The following PEAK1 variants were observed in gnomAD, a reference collection of about 807,000 sequenced individuals.
PEAK1 encodes the protein inactive tyrosine-protein kinase PEAK1.
Under a neutral mutation model 124.7 loss-of-function variants are expected in PEAK1, and 54 were observed. The ratio of observed to expected loss-of-function variants is 0.43; its 90% CI spans 0.35 to 0.54. The LOEUF is 0.54. Among genes scored for constraint, PEAK1 ranks in the 20% least tolerant of loss-of-function variants. The probability of loss-of-function intolerance (pLI) is 0.01; values close to 1 mark genes in which losing one functional copy is unlikely to be tolerated. For missense variants in PEAK1, 2,046 were observed against 2,134.5 expected (o/e 0.96, Z 0.82); for synonymous variants, 719 against 760.0 (o/e 0.95, Z 0.89).
At chr15:77,252,817 T>C (rs1286802638) in intron 5 of PEAK1, among the ~76,000 whole-genome samples, 1 of 152,182 alleles carries the variant, frequency 6.6e-6, no homozygotes, top group Non-Finnish European at 1.5e-5. Flanking sequence ...CTTATTCTAC[T>C]GGAAGTATAT....
intron 6 of PEAK1, among the ~76,000 whole-genome samples, chr15:77,226,641 A>G (rs940900197): frequency 6.6e-6 from 1 of 152,136 alleles, no homozygotes; most frequent in Middle Eastern, 3.2e-3. Context: ...ACGAAAAGAT[A>G]GCTTGAGAAG....
At chr15:77,336,480 G>C (rs2066208309) in intron 2 of PEAK1, 1 of 985,270 alleles carries the variant, frequency 1.0e-6, no homozygotes, top group South Asian at 4.7e-5. Flanking sequence ...TTGGCCGTTT[G>C]CTAATCATGT....
rs548163510 is a variant in PEAK1, at chr15:77,189,415, G to A, written c.-114-7375C>T. ...TGGAGGCTGCTTTAAACATAAACAT[G>A]GCAGTGTCTGAAAGACAGTCCACAC... On this transcript the variant is annotated intron_variant, in intron 6 of 9. Coordinates refer to ENST00000682557, the MANE Select transcript of PEAK1 (RefSeq NM_001385026.1). Among the ~76,000 whole-genome samples the A allele has an allele frequency of 2.6e-5, 4 of 151,778 alleles. No individual in the cohort carries two copies. The South Asian group carries it at 8.3e-4, about 32-fold the overall frequency.
At chr15:77,408,595 T>C (rs2072135999) in intron 1 of PEAK1, among the ~76,000 whole-genome samples, 1 of 151,832 alleles carries the variant, frequency 6.6e-6, no homozygotes, top group Non-Finnish European at 1.5e-5. Flanking sequence ...TCAAATGAAG[T>C]AGAGAACTGG....
chr15:77,316,944 G>A (rs1390294103), intron 2 of PEAK1, among the ~76,000 whole-genome samples: 1 of 152,036 alleles, frequency 6.6e-6, no homozygotes, highest in Non-Finnish European at 1.5e-5. Context: ...AGCTGGGCGT[G>A]GTGGCGTGCA....
intron 5 of PEAK1, among the ~76,000 whole-genome samples, chr15:77,268,240 C>T (rs113465521): frequency 3.3e-5 from 5 of 152,064 alleles, no homozygotes; most frequent in Non-Finnish European, 5.9e-5. Flanking sequence ...TTTGGGAGGC[C>T]GAGGTGGGCA....
intron 5 of PEAK1, among the ~76,000 whole-genome samples, chr15:77,277,472 G>T (rs977237050): frequency 2.0e-5 from 3 of 152,078 alleles, no homozygotes. Context: ...TCAATGTACT[G>T]GTTTTAATAT....
chr15:77,358,230 T>C (rs574957857), intron 2 of PEAK1, among the ~76,000 whole-genome samples: 2 of 152,288 alleles, frequency 1.3e-5, no homozygotes, highest in South Asian at 2.1e-4. Context: ...TCTGTATATA[T>C]GCATGTTCAA....
At chr15:77,157,274 C>T (rs1253012629) in intron 8 of PEAK1, 1 of 152,216 alleles carries the variant, frequency 6.6e-6, no homozygotes, top group African/African-American at 2.4e-5. Flanking sequence ...CCACTGGTTT[C>T]CAAACAGTCT....
chr15:77,352,114 G>A (rs894300081), intron 2 of PEAK1: 1 of 867,306 alleles, frequency 1.2e-6, no homozygotes, highest in Non-Finnish European at 1.4e-6. Flanking sequence ...CAGCTACTCA[G>A]GAGATTGAGG....
At position 77,183,352 on chromosome 15, in the gene PEAK1, A is replaced by G. The variant is rs558733383; in HGVS notation, c.-114-1312T>C. 2.6e-5 allele frequency among the ~76,000 whole-genome samples: 4 copies of G among 152,348 alleles called. No individual in the cohort carries two copies. In the South Asian group the frequency reaches 8.3e-4, roughly 32 times the overall value. On this transcript the variant is annotated intron_variant, in intron 6 of 9. Coordinates refer to ENST00000682557, the MANE Select transcript of PEAK1 (RefSeq NM_001385026.1). ...CACTTTTACTGCTTTGTGGCACTCTACAAATTGCAGGATTTCCACTGGTGC... is the reference window on the plus strand; with the variant it reads ...CACTTTTACTGCTTTGTGGCACTCTGCAAATTGCAGGATTTCCACTGGTGC...
chr15:77,132,028 C>T (rs551282725), intron 9 of PEAK1, among the ~76,000 whole-genome samples: 11 of 152,088 alleles, frequency 7.2e-5, no homozygotes, highest in African/African-American at 1.2e-4. Context: ...GTGAAAGGTA[C>T]ATAACAGACC....
At chr15:77,398,941 A>G (rs1054774584) in intron 1 of PEAK1, among the ~76,000 whole-genome samples, 1 of 152,198 alleles carries the variant, frequency 6.6e-6, no homozygotes, top group African/African-American at 2.4e-5. Context: ...CATACAAAAA[A>G]AAGTAGCATT....
intron 6 of PEAK1, among the ~76,000 whole-genome samples, chr15:77,202,680 GA>G (rs34872285): frequency 0.1 from 15,655 of 151,818 alleles, 1,026 homozygotes; most frequent in Middle Eastern, 0.2. Flanking sequence ...TGAGGCAGGA[GA>G]ATGATGCGAA....
In PEAK1 at chr15:77,307,357, C is replaced by T. The variant is rs78572344; in HGVS notation, c.-602-20853G>A. ...TAAACTTCTAATGCTGACATTTTCA[C>T]AAAGAACATAGAGTCCTTTTGAAAA... On this transcript the variant is annotated intron_variant, in intron 2 of 9. Coordinates refer to ENST00000682557, the MANE Select transcript of PEAK1 (RefSeq NM_001385026.1). 8.5e-3 allele frequency among the ~76,000 whole-genome samples: 1,292 copies of T among 152,160 alleles called. 20 individuals are homozygous for T. Among genetic ancestry groups the T allele is most frequent in the African/African-American group, 0.03 (1,233 of 41,540 alleles).
At chr15:77,414,793 C>T (rs992893604) in intron 1 of PEAK1, among the ~76,000 whole-genome samples, 3 of 152,226 alleles carry the variant, frequency 2.0e-5, no homozygotes, top group African/African-American at 7.2e-5. Context: ...ATTTGCTCTT[C>T]ATTTGCTCTA....
At chr15:77,328,600 T>G (rs953877566) in intron 2 of PEAK1, among the ~76,000 whole-genome samples, 1 of 152,168 alleles carries the variant, frequency 6.6e-6, no homozygotes, top group Admixed American at 6.6e-5. Context: ...AAATCCATAA[T>G]GTAGTCTGAT....
At chr15:77,251,861 G>A (rs2060898666) in intron 6 of PEAK1, among the ~76,000 whole-genome samples, 1 of 152,162 alleles carries the variant, frequency 6.6e-6, no homozygotes, top group South Asian at 2.1e-4. Context: ...CCCTTAATCT[G>A]CATGCAGTTA....
Position 77,133,324 on chromosome 15 carries a change from G to T in PEAK1, c.3758C>A (p.Ser1253Tyr), listed in dbSNP as rs377469824. The T allele has an allele frequency of 1.9e-6, 3 of 1,614,150 alleles. No individual in the cohort carries two copies. The highest frequency in any genetic ancestry group is 2.7e-5 in the African/African-American group (2 of 74,956). The change falls in exon 9 of 10, where the codon TCC becomes TAC. Residue 1253 changes from serine (S) to tyrosine (Y), a missense_variant. Transcript: ENST00000682557. This position sits in a 1 kb window ranked among gnomAD's most constrained non-coding sequence, Gnocchi z 4.2. ...AGAGGGCCCACGCCGGCTGGAGAGG[G>T]ATTCCATGCTGTTGGAAAATCTATC... The part of the protein sequence containing the change: ...IKDRFSNSME[S>Y]LSSRRGPSCR...
Sources: allele counts gnomAD v4.1 joint callset (sites outside exome capture counted in the v4.1 genomes callset), GRCh38; gene constraint gnomAD v4.1.1; non-coding constraint Gnocchi (gnomAD v3.1); transcripts MANE v1.5; gene names NCBI Gene and HGNC (gene_info 2026-07-23, HGNC 2026-07-21).